The following ABTB2 variants were observed in gnomAD, a reference collection of about 807,000 sequenced individuals.
ABTB2 encodes ankyrin repeat and BTB/POZ domain-containing protein 2.
A neutral mutation model predicts 104.1 loss-of-function variants in ABTB2; 56 were observed. That is an observed-to-expected ratio of 0.54 (90% CI 0.43 to 0.67). The LOEUF (loss-of-function observed/expected upper bound fraction) is 0.67, where lower values mean the gene tolerates loss of function less well. Ranked by LOEUF, ABTB2 falls within the 30% of genes least tolerant of loss-of-function variation. The probability of loss-of-function intolerance (pLI) is 0.00; values close to 1 mark genes in which losing one functional copy is unlikely to be tolerated. For missense variants in ABTB2, 1,279 were observed against 1,407.7 expected, an observed-to-expected ratio of 0.91 and a Z score of 1.46; for synonymous variants, 606 against 608.2, an observed-to-expected ratio of 1.00 and a Z score of 0.05.
chr11:34,203,033 G>A (rs1853363796), intron 2 of ABTB2, among the ~76,000 whole-genome samples: 1 of 152,118 alleles, frequency 6.6e-6, no homozygotes, highest in Admixed American at 6.5e-5. Context: ...CCTCCCTTAG[G>A]CTGGGCTGGG....
chr11:34,240,791 C>T (rs1332103316), intron 1 of ABTB2, among the ~76,000 whole-genome samples: 2 of 152,104 alleles, frequency 1.3e-5, no homozygotes, highest in East Asian at 1.9e-4. Context: ...AGGGGGGTTT[C>T]ACCATGTTGG....
intron 2 of ABTB2, among the ~76,000 whole-genome samples, chr11:34,198,869 C>T (rs1853300330): frequency 6.6e-6 from 1 of 152,238 alleles, no homozygotes; most frequent in Non-Finnish European, 1.5e-5. Flanking sequence ...GCTTCAGCCT[C>T]ACCCCTGGCC....
chr11:34,184,211 C>T (rs991181225), intron 3 of ABTB2, among the ~76,000 whole-genome samples: 1 of 152,008 alleles, frequency 6.6e-6, no homozygotes, highest in Non-Finnish European at 1.5e-5. Context: ...CTTGAGTTGG[C>T]TTGGGTATTG....
At chr11:34,331,042 C>T (rs1028967505) in intron 1 of ABTB2, among the ~76,000 whole-genome samples, 1 of 152,190 alleles carries the variant, frequency 6.6e-6, no homozygotes, top group African/African-American at 2.4e-5. Context: ...TTCCAGTGGA[C>T]CCCCTCCTAT....
intron 1 of ABTB2, among the ~76,000 whole-genome samples, chr11:34,342,253 T>C (rs952578002): frequency 5.9e-5 from 9 of 152,178 alleles, no homozygotes; most frequent in African/African-American, 1.9e-4. Flanking sequence ...GAGAAACAAA[T>C]ACCTACCCCA....
intron 11 of ABTB2, among the ~76,000 whole-genome samples, 166 bp downstream of exon 11, chr11:34,160,737 G>T (rs1341389394): frequency 9.2e-6 from 1 of 108,144 alleles, no homozygotes; most frequent in Non-Finnish European, 1.9e-5. Flanking sequence ...GTGTGTGTGT[G>T]TTGGGTGGGG....
chr11:34,162,262 G>T (rs915459014), intron 10 of ABTB2, among the ~76,000 whole-genome samples: 1 of 152,216 alleles, frequency 6.6e-6, no homozygotes. Flanking sequence ...CCCAGTGCTC[G>T]ACATCCCTGG....
chr11:34,297,001 A>G (rs1854630807), intron 1 of ABTB2, among the ~76,000 whole-genome samples: 1 of 152,198 alleles, frequency 6.6e-6, no homozygotes, highest in African/African-American at 2.4e-5. Flanking sequence ...TATCCTATTC[A>G]TGAGTTTTAA....
chr11:34,277,649 T>TA (rs11431901), intron 1 of ABTB2, among the ~76,000 whole-genome samples: 1 of 148,790 alleles, frequency 6.7e-6, no homozygotes, highest in Non-Finnish European at 1.5e-5. Flanking sequence ...GGTGTGGTGG[T>TA]CACACCTGTA....
At chr11:34,221,892 A>G (rs1446839029) in intron 1 of ABTB2, among the ~76,000 whole-genome samples, 1 of 152,226 alleles carries the variant, frequency 6.6e-6, no homozygotes, top group Non-Finnish European at 1.5e-5. Flanking sequence ...TATAAAAATT[A>G]GCTGGACATG....
chr11:34,252,171 C>T lies in ABTB2; in HGVS notation c.884-47481G>A, dbSNP rs553769540. On this transcript the variant is annotated intron_variant, in intron 1 of 16. Coordinates refer to ENST00000435224, the MANE Select transcript of ABTB2 (RefSeq NM_145804.3). The surrounding 1 kb of genome is among the most constrained non-coding windows in gnomAD (Gnocchi z 5.5). Reference sequence around the variant, plus strand: ...GCTGAGCTGAAAGGAAGTCACCTGACACAGCATGAGCCCCCACACCAGAGC... The same window carrying T: ...GCTGAGCTGAAAGGAAGTCACCTGATACAGCATGAGCCCCCACACCAGAGC... 6.6e-6 allele frequency among the ~76,000 whole-genome samples: 1 copy of T among 152,190 alleles called. No individual in the cohort carries two copies. Among genetic ancestry groups the T allele is most frequent in the Non-Finnish European group, 1.5e-5 (1 of 68,030 alleles).
intron 1 of ABTB2, among the ~76,000 whole-genome samples, chr11:34,302,714 C>G (rs1854721406): frequency 6.6e-6 from 1 of 152,206 alleles, no homozygotes; most frequent in Non-Finnish European, 1.5e-5. Flanking sequence ...GCTAAGGAGC[C>G]TCACTCCCTC....
In ABTB2 at chr11:34,151,803, AG is replaced by A. The variant is rs528922905; in HGVS notation, c.*583del. The A allele has an allele frequency of 7.9e-5, 12 of 152,430 alleles. No individual in the cohort carries two copies. Among genetic ancestry groups the A allele is most frequent in the African/African-American group, 1.9e-4 (8 of 41,332 alleles). 9.4% of individuals were successfully genotyped at this position (152,430 alleles called of 1,614,324 possible). ...TCCGGGTGGCAGCAGTCGTGGTGGC[AG>A]GGGGGGGTCCACAGGCCACTGGATG... is the stretch of plus-strand genomic sequence containing the variant. On this transcript the variant is annotated 3_prime_UTR_variant, in exon 17 of 17. Transcript: ENST00000435224.
At chr11:34,297,566 T>C (rs1854636023) in intron 1 of ABTB2, among the ~76,000 whole-genome samples, 2 of 151,728 alleles carry the variant, frequency 1.3e-5, no homozygotes, top group Admixed American at 1.3e-4. Flanking sequence ...CTGAGGTGGG[T>C]GGATCACCTG....
chr11:34,312,796 G>T (rs114146732), intron 1 of ABTB2, among the ~76,000 whole-genome samples: 3,457 of 152,192 alleles, frequency 0.023, 136 homozygotes, highest in African/African-American at 0.079. Context: ...GACCTCCTGG[G>T]CTCAGGCAAG....
chr11:34,159,282 C>A lies in ABTB2; in HGVS notation c.2697+14G>T. On this transcript the variant is annotated intron_variant, in intron 14 of 16. Transcript: ENST00000435224. Reference sequence around the variant, plus strand: ...CATCCCTCTGAGAAGAGGGCGGCACCAAGACCCACACACCTGAAAAATGTG... The same window carrying A: ...CATCCCTCTGAGAAGAGGGCGGCACAAAGACCCACACACCTGAAAAATGTG... 1 of 1,608,464 alleles carries A rather than the reference C, an allele frequency of 6.2e-7. No individual in the cohort carries two copies. Among genetic ancestry groups the A allele is most frequent in the Non-Finnish European group, 8.5e-7 (1 of 1,175,396 alleles).
At chr11:34,297,368 G>A (rs190639621) in intron 1 of ABTB2, among the ~76,000 whole-genome samples, 13 of 152,228 alleles carry the variant, frequency 8.5e-5, no homozygotes, top group South Asian at 4.1e-4. Flanking sequence ...AGGTGCTTTC[G>A]CATAGAATAT....
At chr11:34,225,108 C>T (rs7110239) in intron 1 of ABTB2, among the ~76,000 whole-genome samples, 27 of 152,256 alleles carry the variant, frequency 1.8e-4, no homozygotes, top group South Asian at 1.5e-3. Flanking sequence ...TTCTGACTTC[C>T]GATGGCATTA....
rs111936172 is a variant in ABTB2, at chr11:34,206,458, A to C, written c.884-1768T>G. Among the ~76,000 whole-genome samples the C allele has an allele frequency of 7.5e-3, 1,141 of 152,310 alleles. 13 individuals are homozygous for C. Among genetic ancestry groups the C allele is most frequent in the Middle Eastern group, 0.041 (12 of 294 alleles). ...CCATTTGAGATACTGGGCTACTGCC[A>C]TTCAGAGACTTTGAGTAACTTGCTC... On this transcript the variant is annotated intron_variant, in intron 1 of 16. Coordinates refer to ENST00000435224, the MANE Select transcript of ABTB2 (RefSeq NM_145804.3).
Sources: allele counts gnomAD v4.1 joint callset (sites outside exome capture counted in the v4.1 genomes callset), GRCh38; gene constraint gnomAD v4.1.1; non-coding constraint Gnocchi (gnomAD v3.1); transcripts MANE v1.5; gene names NCBI Gene and HGNC (gene_info 2026-07-23, HGNC 2026-07-21).